Variants in KMT2C observed in about 807,000 individuals in gnomAD.
KMT2C encodes the protein histone-lysine N-methyltransferase 2C.
Under a neutral mutation model 507.9 loss-of-function variants are expected in KMT2C, and 88 were observed. The ratio of observed to expected loss-of-function variants is 0.17; its 90% CI spans 0.15 to 0.21. KMT2C has a LOEUF of 0.21. Ranked by LOEUF, KMT2C falls within the 10% of genes least tolerant of loss-of-function variation. KMT2C has a pLI of 1.00. For missense variants in KMT2C, 4,954 were observed against 5,957.8 expected, an observed-to-expected ratio of 0.83 and a Z score of 5.55; for synonymous variants, 2,049 against 2,080.8, an observed-to-expected ratio of 0.98 and a Z score of 0.42.
At chr7:152,290,286 ATATATATATTTTTTTTTTTTTTTT>A (rs2096400950) in intron 6 of KMT2C, among the ~76,000 whole-genome samples, 5 of 33,828 alleles carry the variant, frequency 1.5e-4, no homozygotes, top group African/African-American at 7.5e-4. Flanking sequence ...ATATATATAT[ATATATATATTTTTTTTTTTTTTTT>A]TTTTTTTTTT....
chr7:152,367,747 A>AT, intron 1 of KMT2C: 1 of 1,079,676 alleles, frequency 9.3e-7, no homozygotes, highest in Non-Finnish European at 1.4e-6. Context: ...CTTATCGATT[A>AT]CATTGATAGT....
intron 2 of KMT2C, among the ~76,000 whole-genome samples, chr7:152,353,254 C>A (rs565044771): frequency 6.6e-6 from 1 of 151,992 alleles, no homozygotes; most frequent in Admixed American, 6.6e-5. Context: ...GAAACCCAGT[C>A]TGCACTAAAA....
At chr7:152,285,942 G>A (rs372578272) in intron 6 of KMT2C, among the ~76,000 whole-genome samples, 18 of 152,164 alleles carry the variant, frequency 1.2e-4, no homozygotes, top group East Asian at 1.2e-3. Context: ...CCGAGATCGC[G>A]CCATTGCACT....
chr7:152,262,315 C>A (rs1324268349), intron 9 of KMT2C, among the ~76,000 whole-genome samples: 1 of 152,184 alleles, frequency 6.6e-6, no homozygotes, highest in Admixed American at 6.5e-5. Context: ...CCGCTCCAGG[C>A]CCATGCAGCA....
Position 152,177,891 on chromosome 7 carries a change from T to C in KMT2C, c.7562A>G (p.Asp2521Gly), listed in dbSNP as rs1241211120. 1 of 1,613,460 alleles carries C rather than the reference T, an allele frequency of 6.2e-7. No homozygotes were observed. The highest frequency in any genetic ancestry group is 8.5e-7 in the Non-Finnish European group (1 of 1,179,938). ...TGAGTTATTTAAAGGCCTAGGCATA[T>C]CTACAGATACTGATCTTCTTAGCTG... ...SPQLRRSVSV[D>G]MPRPLNNSQM... Residue 2521 changes from aspartate to glycine, a missense_variant, in exon 38 of 59, where the codon GAT (aspartate) becomes GGT (glycine). Physicochemically the swap from Asp to Gly is moderately conservative, Grantham distance 94. Transcript: ENST00000262189.
At chr7:152,303,415 G>A (rs2096588755) in intron 6 of KMT2C, among the ~76,000 whole-genome samples, 1 of 152,194 alleles carries the variant, frequency 6.6e-6, no homozygotes, top group Admixed American at 6.5e-5. Context: ...AGGCCAGCCA[G>A]TAGGACCTAC....
At chr7:152,326,724 C>CA (rs1434785706) in intron 3 of KMT2C, among the ~76,000 whole-genome samples, 1 of 151,758 alleles carries the variant, frequency 6.6e-6, no homozygotes, top group Non-Finnish European at 1.5e-5. Flanking sequence ...ACTAAAAATA[C>CA]AAAAAAATTA....
intron 7 of KMT2C, among the ~76,000 whole-genome samples, chr7:152,271,395 G>A (rs963326019): frequency 2.6e-5 from 4 of 151,974 alleles, no homozygotes; most frequent in South Asian, 4.1e-4. Flanking sequence ...CAAGGAGGCC[G>A]GGCACGATGG....
rs2092772280 is a variant in KMT2C at position 152,167,291 on chromosome 7, A to G, written c.9605T>C (p.Ile3202Thr). 6.2e-7 allele frequency: 1 copy of G among 1,614,012 alleles called. No homozygotes were observed. Among genetic ancestry groups the G allele is most frequent in the Non-Finnish European group, 8.5e-7 (1 of 1,179,992 alleles). The change falls in exon 42 of 59, where the codon ATT (isoleucine) becomes ACT (threonine). Residue 3202 changes from isoleucine (I) to threonine (T), a missense_variant. Physicochemically the swap from Ile to Thr is moderately conservative, Grantham distance 89. Coordinates refer to ENST00000262189, the MANE Select transcript of KMT2C (RefSeq NM_170606.3). The part of the protein sequence containing the change: ...QMQQKYLEEQ[I>T]GAHRKSKKAL... ...CTTCTTAGATTTTCTGTGAGCACCA[A>G]TTTGTTCTTCAAGATACTTCTGCTG... is the stretch of plus-strand genomic sequence containing the variant.
chr7:152,247,686 T>C (rs1215219171), intron 14 of KMT2C, among the ~76,000 whole-genome samples: 47 of 152,396 alleles, frequency 3.1e-4, no homozygotes, highest in East Asian at 1.7e-3. Flanking sequence ...CCCAACTGAG[T>C]TGAAATTCCA....
chr7:152,387,448 C>G (rs1198569644), intron 1 of KMT2C, among the ~76,000 whole-genome samples: 1 of 146,030 alleles, frequency 6.8e-6, no homozygotes. Context: ...AGTGACAAAA[C>G]AGTATTTATA....
At chr7:152,205,446 A>T (rs914335496) in intron 24 of KMT2C, among the ~76,000 whole-genome samples, 1 of 152,028 alleles carries the variant, frequency 6.6e-6, no homozygotes, top group Non-Finnish European at 1.5e-5. Flanking sequence ...ATCAAACAGA[A>T]TACAAAAAGA....
intron 5 of KMT2C, 71 bp from the exon 6 acceptor site, chr7:152,310,146 T>A: frequency 9.9e-7 from 1 of 1,009,098 alleles, no homozygotes; most frequent in Non-Finnish European, 1.5e-6. Flanking sequence ...AATAAAGACA[T>A]AAAACTTCAA....
chr7:152,367,542 G>A (rs1394982882), intron 1 of KMT2C: 19 of 1,209,924 alleles, frequency 1.6e-5, no homozygotes, highest in East Asian at 9.3e-5. Flanking sequence ...TGGGAAAGTC[G>A]ACATTAATCA....
intron 6 of KMT2C, among the ~76,000 whole-genome samples, chr7:152,307,529 T>A (rs922241975): frequency 6.6e-6 from 1 of 152,084 alleles, no homozygotes; most frequent in South Asian, 2.1e-4. Flanking sequence ...TCCCTTCTAA[T>A]CCCCACATGG....
chr7:152,370,517 T>A (rs2097285869), intron 1 of KMT2C, among the ~76,000 whole-genome samples: 1 of 152,210 alleles, frequency 6.6e-6, no homozygotes, highest in Admixed American at 6.5e-5. Context: ...TTTAATGAGG[T>A]CAGCATTATC....
chr7:152,331,238 AG>A (rs1367743375), intron 2 of KMT2C, among the ~76,000 whole-genome samples: 1 of 151,932 alleles, frequency 6.6e-6, no homozygotes, highest in African/African-American at 2.4e-5. Context: ...TGAACCTGGG[AG>A]CCAGAGGCTG....
intron 6 of KMT2C, among the ~76,000 whole-genome samples, chr7:152,290,223 T>TGC (rs2096388897): frequency 4.7e-4 from 41 of 86,426 alleles, no homozygotes; most frequent in African/African-American, 2.5e-3. Flanking sequence ...TATATATATG[T>TGC]GTGTGTGTGT....
intron 1 of KMT2C, among the ~76,000 whole-genome samples, chr7:152,399,637 G>T (rs2097559315): frequency 6.6e-6 from 1 of 151,492 alleles, no homozygotes; most frequent in Admixed American, 6.6e-5. Context: ...GATATCCAAG[G>T]TCAGCAGATA....
Sources: allele counts gnomAD v4.1 joint callset (sites outside exome capture counted in the v4.1 genomes callset), GRCh38; gene constraint gnomAD v4.1.1; transcripts MANE v1.5; gene names NCBI Gene and HGNC (gene_info 2026-07-23, HGNC 2026-07-21).